The following FCHSD2 variants were observed in gnomAD, a reference collection of about 807,000 sequenced individuals.
The protein encoded by FCHSD2 is FCH and double SH3 domains 2.
In FCHSD2, 38 loss-of-function variants were observed where a neutral mutation model predicts 108.1. The observed-to-expected ratio is 0.35, with a 90% CI of 0.27 to 0.46. FCHSD2 has a LOEUF of 0.46. FCHSD2 is among the 20% of genes least tolerant of loss of function. The probability of loss-of-function intolerance (pLI) is 1.00; values close to 1 mark genes in which losing one functional copy is unlikely to be tolerated. For missense variants in FCHSD2, 751 were observed against 897.8 expected, an observed-to-expected ratio of 0.84 and a Z score of 2.09; for synonymous variants, 279 against 314.7, an observed-to-expected ratio of 0.89 and a Z score of 1.20.
intron 3 of FCHSD2, among the ~76,000 whole-genome samples, chr11:73,053,486 G>C (rs576326599): frequency 1.2e-3 from 177 of 152,236 alleles, no homozygotes; most frequent in Non-Finnish European, 1.8e-3. Flanking sequence ...AAATCTAAAT[G>C]TCTTCAGTTC....
At chr11:72,901,052 A>AAC (rs1398190725) in intron 10 of FCHSD2, among the ~76,000 whole-genome samples, 5 of 152,240 alleles carry the variant, frequency 3.3e-5, no homozygotes, top group Non-Finnish European at 5.9e-5. Flanking sequence ...AATAATGGCA[A>AAC]ACATTTCCCA....
At chr11:72,902,483 G>T in intron 10 of FCHSD2, 60 bp downstream of exon 10, 2 of 1,152,526 alleles carry the variant, frequency 1.7e-6, no homozygotes, top group Non-Finnish European at 2.5e-6. Context: ...AAGGGTAACT[G>T]TTACTTAAGC....
At chr11:72,947,652 GC>G (rs1856543873) in intron 8 of FCHSD2, among the ~76,000 whole-genome samples, 1 of 152,130 alleles carries the variant, frequency 6.6e-6, no homozygotes, top group African/African-American at 2.4e-5. Context: ...TGTTGGAACA[GC>G]CCTTACTTTA....
At chr11:72,867,766 A>G (rs1404149874) in intron 13 of FCHSD2, 99 bp downstream of exon 13, 1 of 995,406 alleles carries the variant, frequency 1.0e-6, no homozygotes, top group African/African-American at 1.6e-5. Context: ...GCAAACTATT[A>G]TCTTTTTAAA....
Position 72,842,766 on chromosome 11 carries a change from A to G in FCHSD2, c.1781T>C (p.Ile594Thr). 6.2e-7 allele frequency: 1 copy of G among 1,613,968 alleles called. No individual in the cohort carries two copies. The highest frequency in any genetic ancestry group is 8.5e-7 in the Non-Finnish European group (1 of 1,179,870). Residue 594 changes from isoleucine (I) to threonine (T), a missense_variant, in exon 17 of 20, where the codon ATC (isoleucine) becomes ACC (threonine). Physicochemically the swap from Ile to Thr is moderately conservative, Grantham distance 89. Coordinates refer to ENST00000409418, the MANE Select transcript of FCHSD2 (RefSeq NM_014824.3). ...DELSFPEGAI[I>T]RILNKENQDD... ...TTGGTTTTCTTTGTTCAAGATACGG[A>G]TTATTGCTCCCTCAGGAAAAGATAA...
chr11:72,840,237 C>G (rs1240599644), intron 19 of FCHSD2, among the ~76,000 whole-genome samples: 1 of 152,202 alleles, frequency 6.6e-6, no homozygotes, highest in African/African-American at 2.4e-5. Context: ...GATAAAGACT[C>G]AAGTCCTTAA....
chr11:73,046,821 G>T (rs1373584116), intron 3 of FCHSD2, among the ~76,000 whole-genome samples: 3 of 152,068 alleles, frequency 2.0e-5, no homozygotes, highest in Non-Finnish European at 2.9e-5. Flanking sequence ...GGCCAAAAAC[G>T]ATCCTCCTAC....
At chr11:72,942,535 T>C (rs138725034) in intron 8 of FCHSD2, among the ~76,000 whole-genome samples, 7 of 152,208 alleles carry the variant, frequency 4.6e-5, no homozygotes, top group African/African-American at 1.4e-4. Context: ...TAGGAAAGAT[T>C]AGAAGGATAT....
chr11:73,125,289 A>T (rs1860826592), intron 2 of FCHSD2, among the ~76,000 whole-genome samples: 1 of 152,258 alleles, frequency 6.6e-6, no homozygotes, highest in Non-Finnish European at 1.5e-5. Context: ...GAAAACTAAC[A>T]TTATATTACG....
chr11:73,012,558 A>G (rs902013779), intron 4 of FCHSD2, among the ~76,000 whole-genome samples: 18 of 152,256 alleles, frequency 1.2e-4, no homozygotes, highest in African/African-American at 4.3e-4. Context: ...AAAATTTTAA[A>G]TAACAAAACT....
chr11:73,024,359 C>G (rs530008100), intron 3 of FCHSD2, among the ~76,000 whole-genome samples: 1 of 152,186 alleles, frequency 6.6e-6, no homozygotes, highest in Admixed American at 6.5e-5. Flanking sequence ...TAGCTAGAAA[C>G]TGTACGACTA....
chr11:73,032,059 A>G (rs966091855), intron 3 of FCHSD2, among the ~76,000 whole-genome samples: 1 of 152,224 alleles, frequency 6.6e-6, no homozygotes, highest in Non-Finnish European at 1.5e-5. Flanking sequence ...TGTGCTATAT[A>G]GTCTCAAATA....
At chr11:72,890,338 G>C (rs1435636392) in intron 10 of FCHSD2, among the ~76,000 whole-genome samples, 1 of 152,144 alleles carries the variant, frequency 6.6e-6, no homozygotes, top group Admixed American at 6.6e-5. Flanking sequence ...CAACTTAATA[G>C]TTTAAATGTG....
At chr11:73,056,790 T>C (rs1209742132) in intron 3 of FCHSD2, among the ~76,000 whole-genome samples, 3 of 151,870 alleles carry the variant, frequency 2.0e-5, no homozygotes, top group Admixed American at 6.6e-5. Flanking sequence ...ATAAAATCCA[T>C]AGATTGACAA....
rs1410584816 is a variant in FCHSD2 at position 73,051,607 on chromosome 11, A to T, written c.165+32088T>A. 2.0e-5 allele frequency among the ~76,000 whole-genome samples: 3 copies of T among 152,162 alleles called. No homozygotes were observed. In the East Asian group the frequency reaches 5.8e-4, roughly 29 times the overall value. The stretch of plus-strand genomic sequence containing the variant: ...GACCAACGACTTTATACTATTTTAC[A>T]CAAAAGTATGACTGACAGCAAAGTT... On this transcript the variant is annotated intron_variant, in intron 3 of 19. Coordinates refer to ENST00000409418, the MANE Select transcript of FCHSD2 (RefSeq NM_014824.3).
At chr11:72,890,016 G>T in intron 10 of FCHSD2, 71 bp from the exon 11 acceptor site, 1 of 894,518 alleles carries the variant, frequency 1.1e-6, no homozygotes, top group Non-Finnish European at 1.8e-6. Context: ...TTTGTAGATG[G>T]ATCAGAAGGC....
chr11:72,950,903 C>A (rs1013067467), intron 8 of FCHSD2, among the ~76,000 whole-genome samples: 1 of 152,194 alleles, frequency 6.6e-6, no homozygotes, highest in African/African-American at 2.4e-5. Flanking sequence ...AGATTGACCA[C>A]GTGACTAATT....
At chr11:72,957,108 G>A (rs1419128560) in intron 8 of FCHSD2, among the ~76,000 whole-genome samples, 1 of 148,278 alleles carries the variant, frequency 6.7e-6, no homozygotes, top group Non-Finnish European at 1.5e-5. Context: ...ATGTATACAT[G>A]TGCCATGCTG....
At chr11:73,035,955 G>A (rs182046529) in intron 3 of FCHSD2, among the ~76,000 whole-genome samples, 10 of 151,988 alleles carry the variant, frequency 6.6e-5, no homozygotes, top group South Asian at 2.1e-4. Context: ...TCTTGACCTT[G>A]TGATCCGCCT....
Sources: gnomAD v4.1 joint callset for allele counts (sites outside exome capture counted in the v4.1 genomes callset) on GRCh38, gnomAD v4.1.1 for gene constraint, MANE v1.5 for transcripts, NCBI Gene and HGNC (gene_info 2026-07-23, HGNC 2026-07-21) for gene names.